MALRD1: variants seen among roughly 807,000 people sequenced by gnomAD.
MALRD1 encodes MAM and LDL-receptor class A domain-containing protein 1.
A neutral mutation model predicts 242.1 loss-of-function variants in MALRD1; 247 were observed. The observed-to-expected ratio is 1.02, with a 90% CI of 0.92 to 1.13. The LOEUF is 1.13. Among genes scored for constraint, MALRD1 ranks in the 50% most tolerant of loss-of-function variants. The pLI is 0.00. For synonymous variants in MALRD1, 995 were observed against 866.6 expected, an observed-to-expected ratio of 1.15 and a Z score of -2.60; for missense variants, 2,989 against 2,533.1, an observed-to-expected ratio of 1.18 and a Z score of -3.86.
At chr10:19,713,133 T>G (rs1272864776) in intron 38 of MALRD1, among the ~76,000 whole-genome samples, 1 of 151,766 alleles carries the variant, frequency 6.6e-6, no homozygotes, top group Admixed American at 6.6e-5. Context: ...CTTCCTTCTT[T>G]CTTGCCTATT....
intron 26 of MALRD1, among the ~76,000 whole-genome samples, chr10:19,385,762 TCTG>T (rs1205410969): frequency 6.6e-6 from 1 of 152,086 alleles, no homozygotes; most frequent in Admixed American, 6.6e-5. Flanking sequence ...TTATTTTTGT[TCTG>T]CTAACTTCGG....
At chr10:19,596,622 T>C (rs191141412) in intron 34 of MALRD1, among the ~76,000 whole-genome samples, 1 of 152,108 alleles carries the variant, frequency 6.6e-6, no homozygotes, top group Admixed American at 6.6e-5. Flanking sequence ...TTCCAGCTCC[T>C]CTGGAGGCTG....
At chr10:19,471,277 T>C in intron 29 of MALRD1, among the ~76,000 whole-genome samples, 1 of 151,968 alleles carries the variant, frequency 6.6e-6, no homozygotes, top group South Asian at 2.1e-4. Context: ...TTGATTATGT[T>C]CCATTGGTCT....
intron 33 of MALRD1, among the ~76,000 whole-genome samples, chr10:19,590,624 A>G (rs1335059373): frequency 6.6e-6 from 1 of 152,094 alleles, no homozygotes. Flanking sequence ...TTTTCATAAG[A>G]CAGATCAATA....
At chr10:19,542,935 AC>A (rs1246969764) in intron 32 of MALRD1, among the ~76,000 whole-genome samples, 3 of 152,156 alleles carry the variant, frequency 2.0e-5, no homozygotes, top group Non-Finnish European at 4.4e-5. Flanking sequence ...GGGAATTACA[AC>A]TTTTATCAAC....
At chr10:19,619,296 G>T (rs1475574041) in intron 36 of MALRD1, among the ~76,000 whole-genome samples, 1 of 151,934 alleles carries the variant, frequency 6.6e-6, no homozygotes, top group South Asian at 2.1e-4. Context: ...CAGCCAGGGA[G>T]GGTCGCTTTT....
At chr10:19,372,513 G>T (rs1457436935) in intron 26 of MALRD1, among the ~76,000 whole-genome samples, 1 of 151,418 alleles carries the variant, frequency 6.6e-6, no homozygotes, top group Non-Finnish European at 1.5e-5. Flanking sequence ...CTGTCACCCA[G>T]GCTGGAGTGT....
At chr10:19,553,638 A>T (rs1835591000) in intron 32 of MALRD1, among the ~76,000 whole-genome samples, 1 of 152,196 alleles carries the variant, frequency 6.6e-6, no homozygotes, top group Non-Finnish European at 1.5e-5. Flanking sequence ...AATAAATTTT[A>T]TTACCTGATT....
At chr10:19,732,344 C>A (rs1389786641) in intron 39 of MALRD1, among the ~76,000 whole-genome samples, 1 of 152,140 alleles carries the variant, frequency 6.6e-6, no homozygotes, top group African/African-American at 2.4e-5. Context: ...CTCACTGCAA[C>A]CTCCACCTCC....
intron 36 of MALRD1, among the ~76,000 whole-genome samples, chr10:19,630,278 G>A (rs1362985250): frequency 1.3e-5 from 2 of 152,190 alleles, no homozygotes; most frequent in East Asian, 1.9e-4. Context: ...AAACATACAC[G>A]TTGGTATTGA....
intron 19 of MALRD1, among the ~76,000 whole-genome samples, chr10:19,258,093 A>C (rs1452414923): frequency 6.6e-6 from 1 of 152,164 alleles, no homozygotes; most frequent in African/African-American, 2.4e-5. Context: ...CCTTATAATT[A>C]CATCGCATTG....
At chr10:19,727,231 A>C (rs766714122) in intron 38 of MALRD1, among the ~76,000 whole-genome samples, 7 of 152,206 alleles carry the variant, frequency 4.6e-5, no homozygotes, top group Non-Finnish European at 1.0e-4. Context: ...ATAAAAATAC[A>C]AAATATTCAC....
At position 19,205,197 on chromosome 10, in the gene MALRD1, G is replaced by A. The variant is rs535369967; in HGVS notation, c.2510G>A (p.Cys837Tyr). 1 of 1,551,040 alleles carries A rather than the reference G, an allele frequency of 6.4e-7. No homozygotes were observed. Among genetic ancestry groups the A allele is most frequent in the Non-Finnish European group, 8.7e-7 (1 of 1,147,074 alleles). ...TTCTGGTGTCGCCACACCAGGGCTT[G>A]CATAGAAAAGCTTCGGTTATGTGAT... ...DHFWCRHTRA[C>Y]IEKLRLCDLV... The change falls in exon 17 of 40, where the codon TGC (cysteine) becomes TAC (tyrosine). Residue 837 changes from cysteine (C) to tyrosine (Y), a missense_variant. Physicochemically the swap from Cys to Tyr is radical, Grantham distance 194. Transcript: ENST00000454679.
intron 5 of MALRD1, among the ~76,000 whole-genome samples, chr10:19,113,792 TACACACACACACAC>T (rs753384799): frequency 3.7e-5 from 5 of 134,490 alleles, no homozygotes; most frequent in Non-Finnish European, 6.3e-5. Flanking sequence ...TACCACCCCC[TACACACACACACAC>T]ACACACACAC....
At chr10:19,247,129 C>T (rs549157849) in intron 18 of MALRD1, among the ~76,000 whole-genome samples, 19 of 152,080 alleles carry the variant, frequency 1.2e-4, no homozygotes, top group African/African-American at 4.6e-4. Context: ...TGCCTAGGAT[C>T]TCATGAACTG....
intron 33 of MALRD1, among the ~76,000 whole-genome samples, chr10:19,572,545 A>G (rs1204048784): frequency 6.6e-6 from 1 of 152,172 alleles, no homozygotes; most frequent in East Asian, 1.9e-4. Context: ...ATAGCTAGGA[A>G]GTGGATTATT....
At chr10:19,212,115 T>G (rs1386219864) in intron 18 of MALRD1, among the ~76,000 whole-genome samples, 1 of 152,204 alleles carries the variant, frequency 6.6e-6, no homozygotes, top group Admixed American at 6.5e-5. Context: ...TTACAAGCTT[T>G]ATTTTGTATA....
intron 18 of MALRD1, among the ~76,000 whole-genome samples, chr10:19,210,311 G>A (rs768561414): frequency 1.2e-4 from 18 of 152,182 alleles, no homozygotes; most frequent in Non-Finnish European, 2.6e-4. Flanking sequence ...ATTTTGGTAA[G>A]CCAGAAGTCC....
intron 36 of MALRD1, among the ~76,000 whole-genome samples, chr10:19,627,498 GA>G (rs1036060725): frequency 1.3e-5 from 2 of 152,078 alleles, no homozygotes; most frequent in African/African-American, 4.8e-5. Flanking sequence ...AGCACTTTGG[GA>G]GGCCAGGTAG....
Sources: gnomAD v4.1 joint callset for allele counts (sites outside exome capture counted in the v4.1 genomes callset) on GRCh38, gnomAD v4.1.1 for gene constraint, MANE v1.5 for transcripts, NCBI Gene and HGNC (gene_info 2026-07-23, HGNC 2026-07-21) for gene names.